Variants in ELL observed in about 807,000 individuals in gnomAD.
ELL encodes elongation factor for RNA polymerase II, also known as RNA polymerase II elongation factor ELL.
A neutral mutation model predicts 64.0 loss-of-function variants in ELL; 18 were observed. The observed-to-expected ratio is 0.28, with a 90% confidence interval of 0.19 to 0.42. The LOEUF (loss-of-function observed/expected upper bound fraction) is 0.42, where lower values mean the gene tolerates loss of function less well. Ranked by LOEUF, ELL falls within the 10% of genes least tolerant of loss-of-function variation. The probability of loss-of-function intolerance (pLI) is 1.00; values close to 1 mark genes in which losing one functional copy is unlikely to be tolerated. For synonymous variants in ELL, 399 were observed against 376.2 expected, an observed-to-expected ratio of 1.06 and a Z score of -0.70; for missense variants, 797 against 870.4, an observed-to-expected ratio of 0.92 and a Z score of 1.06.
chr19:18,509,325 ACT>A (rs1266924927), intron 1 of ELL, among the ~76,000 whole-genome samples: 2 of 151,896 alleles, frequency 1.3e-5, no homozygotes, highest in African/African-American at 4.8e-5. Flanking sequence ...CCGAAAAGTC[ACT>A]GTTTTCAGAA....
chr19:18,464,731 C>T (rs1392178169), intron 4 of ELL, among the ~76,000 whole-genome samples: 1 of 152,266 alleles, frequency 6.6e-6, no homozygotes, highest in Non-Finnish European at 1.5e-5. Context: ...GCACCCTACT[C>T]CTGCCGTAAT....
chr19:18,492,044 G>A (rs1386498024), intron 1 of ELL, among the ~76,000 whole-genome samples: 1 of 152,132 alleles, frequency 6.6e-6, no homozygotes, highest in African/African-American at 2.4e-5. Flanking sequence ...CCTGGAGCAC[G>A]ACACTGCCCT....
intron 1 of ELL, among the ~76,000 whole-genome samples, chr19:18,493,876 G>A (rs920476124): frequency 6.6e-6 from 1 of 152,292 alleles, no homozygotes; most frequent in Admixed American, 6.5e-5. Context: ...TCCACCAGTG[G>A]GGACAATCCT....
At position 18,450,560 on chromosome 19, in the gene ELL, G is replaced by A. The variant is rs751965470; in HGVS notation, c.1382C>T (p.Ala461Val). The change falls in exon 8 of 12, where the codon GCG (alanine) becomes GTG (valine). Residue 461 changes from alanine (A) to valine (V), a missense_variant. Coordinates refer to ENST00000262809, the MANE Select transcript of ELL (RefSeq NM_006532.4). ...CTGGGCCCGGGGCTTGTCCTCAGCC[G>A]CCCTCTCCTTGTCTTTGTGCTTCTT... ...KSKKHKDKER[A>V]AEDKPRAQLP... is the part of the protein sequence containing the mutation. 3.1e-6 allele frequency: 5 copies of A among 1,612,688 alleles called. No homozygotes were observed. The highest frequency in any genetic ancestry group is 4.5e-5 in the East Asian group (2 of 44,824).
Position 18,501,070 on chromosome 19 carries a change from T to A in ELL, c.135+20851A>T, listed in dbSNP as rs1975770821. 1.3e-5 allele frequency among the ~76,000 whole-genome samples: 2 copies of A among 151,710 alleles called. No homozygotes were observed. The highest frequency in any genetic ancestry group is 2.1e-4 in the South Asian group (1 of 4,808). ...CAGCAGGAGAGGCAATGCCGTCCCA[T>A]CCCAAGCATGTGGGCGCACACCCAG... On this transcript the variant is annotated intron_variant, in intron 1 of 11. Transcript: ENST00000262809. This position sits in a 1 kb window ranked among gnomAD's most constrained non-coding sequence, Gnocchi z 4.5.
intron 1 of ELL, among the ~76,000 whole-genome samples, chr19:18,514,085 G>A (rs893126402): frequency 2.0e-5 from 3 of 152,160 alleles, no homozygotes; most frequent in Non-Finnish European, 4.4e-5. Flanking sequence ...TCCAGCCCTG[G>A]AGGATATAAT....
rs535096280 is a variant in ELL, at chr19:18,471,968, C to CT, written c.183+866dup. Among the ~76,000 whole-genome samples the CT allele has an allele frequency of 3.6e-3, 526 of 146,400 alleles. 17 individuals are homozygous for CT. The East Asian group carries it at 0.059, about 17-fold the overall frequency. The stretch of plus-strand genomic sequence containing the variant: ...TTCGTGGAAGACAATTTTTCTTTTT[C>CT]TTTTTTTTTTTGAGACAGAGTTTCG... On this transcript the variant is annotated intron_variant, in intron 2 of 11. Transcript: ENST00000262809.
At chr19:18,469,756 T>G (rs1975024412) in intron 2 of ELL, among the ~76,000 whole-genome samples, 1 of 152,240 alleles carries the variant, frequency 6.6e-6, no homozygotes, top group Non-Finnish European at 1.5e-5. Flanking sequence ...GACCTGACCA[T>G]GGCCACCAGG....
intron 1 of ELL, among the ~76,000 whole-genome samples, chr19:18,515,900 C>A (rs1028602362): frequency 6.6e-6 from 1 of 152,136 alleles, no homozygotes; most frequent in South Asian, 2.1e-4. Context: ...CTGTCCCTGT[C>A]GTGAAGGGGG....
chr19:18,471,846 T>C (rs1404356354), intron 2 of ELL, among the ~76,000 whole-genome samples: 3 of 152,246 alleles, frequency 2.0e-5, no homozygotes, highest in African/African-American at 7.2e-5. Flanking sequence ...GCTGAGTTTC[T>C]ATGAACCTCT....
chr19:18,505,312 C>T (rs574742831), intron 1 of ELL, among the ~76,000 whole-genome samples: 92 of 152,356 alleles, frequency 6.0e-4, no homozygotes, highest in Non-Finnish European at 1.1e-3. Flanking sequence ...ATAGCTTTTG[C>T]TATTCTTCTC....
chr19:18,482,299 T>G (rs1975315885), intron 1 of ELL, among the ~76,000 whole-genome samples: 1 of 145,256 alleles, frequency 6.9e-6, no homozygotes, highest in South Asian at 2.1e-4. Flanking sequence ...ATGGCTTGTC[T>G]TTTCATTCCT....
At chr19:18,497,815 C>CA (rs58521941) in intron 1 of ELL, among the ~76,000 whole-genome samples, 9,621 of 54,034 alleles carry the variant, frequency 0.18, 1,167 homozygotes, top group African/African-American at 0.21. Context: ...GATCTCATCT[C>CA]AAAAAAAAAA....
At chr19:18,458,522 C>T (rs1363270129) in intron 5 of ELL, among the ~76,000 whole-genome samples, 193 bp from the exon 6 acceptor site, 1 of 152,140 alleles carries the variant, frequency 6.6e-6, no homozygotes, top group Non-Finnish European at 1.5e-5. Context: ...GCACACAATC[C>T]TCAGGGTGCA....
At chr19:18,469,340 G>C (rs1033854244) in intron 2 of ELL, among the ~76,000 whole-genome samples, 1 of 152,240 alleles carries the variant, frequency 6.6e-6, no homozygotes, top group South Asian at 2.1e-4. Context: ...TTTTGCTGCT[G>C]GTTAATGGTT....
chr19:18,472,707 G>C, intron 2 of ELL, 128 bp downstream of exon 2: 1 of 1,192,496 alleles, frequency 8.4e-7, no homozygotes, highest in Non-Finnish European at 1.2e-6. Flanking sequence ...CTAGAACCCA[G>C]CCTTGCATGG....
chr19:18,465,305 A>G, intron 4 of ELL, 107 bp downstream of exon 4: 1 of 1,428,546 alleles, frequency 7.0e-7, no homozygotes. Context: ...TTGACCCATC[A>G]TTTCTGTGCA....
intron 6 of ELL, among the ~76,000 whole-genome samples, chr19:18,456,229 C>T (rs731945): frequency 0.28 from 42,440 of 152,098 alleles, 7,147 homozygotes; most frequent in East Asian, 0.63. Context: ...GACGGATAGA[C>T]GGATAAGGCA....
chr19:18,451,734 G>A (rs953933884), intron 6 of ELL, 86 bp from the exon 7 acceptor site: 18 of 1,078,886 alleles, frequency 1.7e-5, no homozygotes, highest in Middle Eastern at 3.0e-4. Flanking sequence ...GCCCGGTGGA[G>A]ATGCCTCAAG....
Sources: allele counts gnomAD v4.1 joint callset (sites outside exome capture counted in the v4.1 genomes callset), GRCh38; gene constraint gnomAD v4.1.1; non-coding constraint Gnocchi (gnomAD v3.1); transcripts MANE v1.5; gene names NCBI Gene and HGNC (gene_info 2026-07-23, HGNC 2026-07-21).